Variants in TAF2 observed in about 807,000 individuals in gnomAD.
TAF2 encodes the protein transcription initiation factor TFIID subunit 2.
TAF2 carries 61 observed loss-of-function variants against 138.5 expected under a neutral mutation model. The observed-to-expected ratio is 0.44, with a 90% CI of 0.36 to 0.54. The LOEUF (loss-of-function observed/expected upper bound fraction) is 0.54, where lower values mean the gene tolerates loss of function less well. Among genes scored for constraint, TAF2 ranks in the 20% least tolerant of loss-of-function variants. The pLI is 0.00. For synonymous variants in TAF2, 475 were observed against 469.9 expected, an observed-to-expected ratio of 1.01 and a Z score of -0.14; for missense variants, 1,090 against 1,427.9, an observed-to-expected ratio of 0.76 and a Z score of 3.81.
intron 23 of TAF2, among the ~76,000 whole-genome samples, chr8:119,745,709 A>G (rs1373213759): frequency 6.6e-6 from 1 of 152,108 alleles, no homozygotes; most frequent in Non-Finnish European, 1.5e-5. Flanking sequence ...AAAATGATTA[A>G]TATGTATCCT....
intron 18 of TAF2, 193 bp from the exon 19 acceptor site, chr8:119,762,801 A>G (rs2131064398): frequency 2.0e-6 from 1 of 496,458 alleles, no homozygotes; most frequent in Non-Finnish European, 3.5e-6. Flanking sequence ...TCACTATAAC[A>G]ATACATTAGT....
chr8:119,815,678 T>TGGA (rs1825413779), intron 3 of TAF2, among the ~76,000 whole-genome samples: 1 of 152,006 alleles, frequency 6.6e-6, no homozygotes, highest in Non-Finnish European at 1.5e-5. Context: ...AGAGACAGTT[T>TGGA]CTCTGACAAA....
At chr8:119,744,774 T>C in intron 23 of TAF2, 1 of 389,286 alleles carries the variant, frequency 2.6e-6, no homozygotes, top group Non-Finnish European at 5.0e-6. Flanking sequence ...TAATGCAGTC[T>C]GTTGCGTGTG....
chr8:119,757,028 T>G (rs902595882), intron 21 of TAF2, among the ~76,000 whole-genome samples: 2 of 152,148 alleles, frequency 1.3e-5, no homozygotes, highest in African/African-American at 4.8e-5. Flanking sequence ...TCAGCAAAAC[T>G]TTAAAGAAGG....
At chr8:119,760,200 T>C (rs988994990) in intron 20 of TAF2, among the ~76,000 whole-genome samples, 4 of 152,200 alleles carry the variant, frequency 2.6e-5, no homozygotes, top group African/African-American at 9.6e-5. Flanking sequence ...TCTATATTCA[T>C]GATGCCTTGC....
Position 119,762,399 on chromosome 8 carries a change from A to C in TAF2, c.2558+16T>G. Reference sequence around the variant, plus strand: ...TATAAGAACATATAACTTTAAAGTAAGGAATTTAATCATACCTGACAGTGA... The same window carrying C: ...TATAAGAACATATAACTTTAAAGTACGGAATTTAATCATACCTGACAGTGA... On this transcript the variant is annotated intron_variant, in intron 19 of 25. Transcript: ENST00000378164. 6.2e-7 allele frequency: 1 copy of C among 1,611,242 alleles called. No homozygotes were observed. The highest frequency in any genetic ancestry group is 8.5e-7 in the Non-Finnish European group (1 of 1,177,890).
chr8:119,813,820 TA>T (rs1482458725), intron 3 of TAF2, among the ~76,000 whole-genome samples: 3 of 151,536 alleles, frequency 2.0e-5, no homozygotes, highest in Non-Finnish European at 4.4e-5. Flanking sequence ...AGGGGTGTGT[TA>T]AAATATAATG....
Position 119,764,414 on chromosome 8 carries a change from T to G in TAF2, c.2365-1806A>C, listed in dbSNP as rs531153472. Reference sequence around the variant, plus strand: ...CAAAATGAAAACACAGTGAGTCTTATGTGGTTCCACAACAATAATGAAGTA... The same window carrying G: ...CAAAATGAAAACACAGTGAGTCTTAGGTGGTTCCACAACAATAATGAAGTA... On this transcript the variant is annotated intron_variant, in intron 18 of 25. Coordinates refer to ENST00000378164, the MANE Select transcript of TAF2 (RefSeq NM_003184.4). Among the ~76,000 whole-genome samples the G allele has an allele frequency of 7.9e-5, 12 of 152,378 alleles. No homozygotes were observed. The South Asian group carries it at 1.2e-3, about 16-fold the overall frequency.
intron 25 of TAF2, among the ~76,000 whole-genome samples, chr8:119,740,356 A>C (rs1160108516): frequency 6.6e-6 from 1 of 151,826 alleles, no homozygotes; most frequent in African/African-American, 2.4e-5. Context: ...AAAGTTACTT[A>C]ACAAATAAAA....
intron 14 of TAF2, among the ~76,000 whole-genome samples, chr8:119,787,550 C>A (rs10110061): frequency 0.27 from 41,361 of 152,034 alleles, 6,886 homozygotes; most frequent in Admixed American, 0.46. Flanking sequence ...TACCATCTCA[C>A]GCCAGTTAGA....
rs1450637122 is a variant in TAF2 at position 119,819,475 on chromosome 8, A to G, written c.170T>C (p.Val57Ala). 6.2e-7 allele frequency: 1 copy of G among 1,609,832 alleles called. No homozygotes were observed. The highest frequency in any genetic ancestry group is 1.7e-5 in the Admixed American group (1 of 60,028). ...CAACTTGATTCTATTCAAGTTTGCA[A>G]CTGTGGGAAATATAGTCAGTTCCAC... ...GFVELTIFPT[V>A]ANLNRIKLNS... is the part of the protein sequence containing the mutation. Residue 57 changes from valine (V) to alanine (A), a missense_variant, in exon 3 of 26, where the codon GTT (valine) becomes GCT (alanine). Around this residue, in one of 3 missense-constraint regions of TAF2, gnomAD observed 504 missense variants for 680.9 expected, o/e 0.74. Coordinates refer to ENST00000378164, the MANE Select transcript of TAF2 (RefSeq NM_003184.4).
chr8:119,754,091 T>C (rs1203849894), intron 22 of TAF2, among the ~76,000 whole-genome samples: 5 of 152,160 alleles, frequency 3.3e-5, no homozygotes, highest in Non-Finnish European at 7.4e-5. Context: ...ACTGGTTTTA[T>C]GTGTTATTTT....
intron 2 of TAF2, among the ~76,000 whole-genome samples, chr8:119,827,447 A>G (rs1331995059): frequency 1.3e-5 from 2 of 152,174 alleles, no homozygotes; most frequent in African/African-American, 2.4e-5. Context: ...TAATTTTCTA[A>G]TCTGACCTAT....
At chr8:119,745,799 G>A (rs1819922444) in intron 23 of TAF2, among the ~76,000 whole-genome samples, 2 of 59,424 alleles carry the variant, frequency 3.4e-5, no homozygotes, top group African/African-American at 2.4e-4. Flanking sequence ...AAACGAATGT[G>A]TGTGTGTGTG....
At chr8:119,785,131 A>C (rs1429753594) in intron 15 of TAF2, 70 bp downstream of exon 15, 1 of 1,223,352 alleles carries the variant, frequency 8.2e-7, no homozygotes, top group African/African-American at 1.5e-5. Flanking sequence ...ACTTTTACGT[A>C]CGCATAACAA....
intron 3 of TAF2, among the ~76,000 whole-genome samples, chr8:119,811,890 TA>T (rs1298790721): frequency 6.6e-6 from 1 of 151,628 alleles, no homozygotes; most frequent in Non-Finnish European, 1.5e-5. Flanking sequence ...AAATCTACCT[TA>T]ACAGGTTTTC....
intron 19 of TAF2, 22 bp downstream of exon 19, chr8:119,762,393 A>G (rs1368351085): frequency 6.2e-7 from 1 of 1,607,824 alleles, no homozygotes; most frequent in Non-Finnish European, 8.5e-7. Flanking sequence ...ATATAACTTT[A>G]AAGTAAGGAA....
intron 2 of TAF2, among the ~76,000 whole-genome samples, chr8:119,827,278 A>C (rs1040692718): frequency 6.6e-6 from 1 of 152,164 alleles, no homozygotes; most frequent in Non-Finnish European, 1.5e-5. Context: ...CCTGATGCTC[A>C]CTTCCTGCTA....
chr8:119,734,270 T>C (rs1320180189), intron 25 of TAF2, among the ~76,000 whole-genome samples: 1 of 152,076 alleles, frequency 6.6e-6, no homozygotes, highest in East Asian at 1.9e-4. Flanking sequence ...TGAAAAAATA[T>C]ATTATATATA....
Sources: allele counts gnomAD v4.1 joint callset (sites outside exome capture counted in the v4.1 genomes callset), GRCh38; gene constraint gnomAD v4.1.1; regional missense constraint gnomAD v4.1.1; transcripts MANE v1.5; gene names NCBI Gene and HGNC (gene_info 2026-07-23, HGNC 2026-07-21).